The following PDE10A variants were observed in gnomAD, a reference collection of about 807,000 sequenced individuals.
PDE10A encodes cAMP and cAMP-inhibited cGMP 3',5'-cyclic phosphodiesterase 10A.
A neutral mutation model predicts 97.7 loss-of-function variants in PDE10A; 39 were observed. The ratio of observed to expected loss-of-function variants is 0.40; its 90% CI spans 0.31 to 0.52. The LOEUF (loss-of-function observed/expected upper bound fraction) is 0.52. Among genes scored for constraint, PDE10A ranks in the 20% least tolerant of loss-of-function variants. The probability of loss-of-function intolerance (pLI) is 0.56; values close to 1 mark genes in which losing one functional copy is unlikely to be tolerated. For synonymous variants in PDE10A, 371 were observed against 376.8 expected (o/e 0.98, Z 0.18); for missense variants, 731 against 1,047.8 (o/e 0.70, Z 4.17).
chr6:165,732,050 C>G (rs1314209613), intron 1 of PDE10A, among the ~76,000 whole-genome samples: 2 of 152,168 alleles, frequency 1.3e-5, no homozygotes, highest in African/African-American at 4.8e-5. Context: ...GGATAAGCGC[C>G]CCTTCACTCA....
chr6:165,948,130 CTGTG>C (rs140837964), intron 1 of PDE10A: 1 of 150,586 alleles, frequency 6.6e-6, no homozygotes, highest in African/African-American at 2.5e-5. Flanking sequence ...GAGAGAGTGT[CTGTG>C]TGTGTGTGTC....
intron 1 of PDE10A, among the ~76,000 whole-genome samples, chr6:165,598,872 T>C (rs1786765488): frequency 6.6e-6 from 1 of 152,200 alleles, no homozygotes; most frequent in Admixed American, 6.5e-5. Context: ...TGGACCTGCC[T>C]TCTGCAAGAT....
intron 1 of PDE10A, among the ~76,000 whole-genome samples, chr6:165,708,750 C>CCACAT (rs1791790419): frequency 8.2e-6 from 1 of 121,684 alleles, no homozygotes; most frequent in Non-Finnish European, 1.8e-5. Flanking sequence ...CACTCTCCAC[C>CCACAT]GCCATGCTGC....
chr6:165,830,935 G>A (rs1218614340), intron 1 of PDE10A, among the ~76,000 whole-genome samples: 1 of 152,138 alleles, frequency 6.6e-6, no homozygotes, highest in Non-Finnish European at 1.5e-5. Flanking sequence ...ACTTTGAGGA[G>A]TCATAGGAAA....
chr6:165,525,964 A>G (rs999546191), intron 2 of PDE10A, among the ~76,000 whole-genome samples: 1 of 152,180 alleles, frequency 6.6e-6, no homozygotes, highest in Non-Finnish European at 1.5e-5. Flanking sequence ...ATAAAAACAG[A>G]CAATTATGGC....
At chr6:165,749,332 C>CCACCATCACCACCAT (rs1562717389) in intron 1 of PDE10A, among the ~76,000 whole-genome samples, 2 of 20,264 alleles carry the variant, frequency 9.9e-5, no homozygotes, top group Admixed American at 4.2e-4. Context: ...ATCACCAATA[C>CCACCATCACCACCAT]CACCATCACC....
intron 1 of PDE10A, among the ~76,000 whole-genome samples, chr6:165,707,266 G>A (rs1791733843): frequency 6.6e-6 from 1 of 152,206 alleles, no homozygotes; most frequent in African/African-American, 2.4e-5. Context: ...CAGGGGATGG[G>A]TGGCGGGCAG....
chr6:165,930,866 A>G (rs1163803351), intron 1 of PDE10A, among the ~76,000 whole-genome samples: 3 of 152,230 alleles, frequency 2.0e-5, no homozygotes, highest in Non-Finnish European at 4.4e-5. Context: ...GGCTCTTCGC[A>G]GGATCAGGAA....
At chr6:165,646,493 C>T (rs1370619437) in intron 1 of PDE10A, among the ~76,000 whole-genome samples, 1 of 152,230 alleles carries the variant, frequency 6.6e-6, no homozygotes, top group Non-Finnish European at 1.5e-5. Flanking sequence ...TGAGAAATTA[C>T]ACAGAGCTGA....
intron 18 of PDE10A, among the ~76,000 whole-genome samples, chr6:165,358,736 T>C (rs1260630015): frequency 1.3e-5 from 2 of 151,970 alleles, no homozygotes; most frequent in East Asian, 3.9e-4. Context: ...TTCTATTTGT[T>C]GAATCTGTTT....
intron 1 of PDE10A, among the ~76,000 whole-genome samples, chr6:165,915,715 G>C (rs947605105): frequency 6.6e-6 from 1 of 152,316 alleles, no homozygotes; most frequent in East Asian, 1.9e-4. Context: ...CCTTGGTCCA[G>C]GGTCCTCTGC....
At chr6:165,837,676 T>C (rs1447248837) in intron 1 of PDE10A, among the ~76,000 whole-genome samples, 1 of 147,392 alleles carries the variant, frequency 6.8e-6, no homozygotes, top group Admixed American at 6.7e-5. Flanking sequence ...TTTTTTTTTT[T>C]TTTTTTTTTG....
intron 2 of PDE10A, among the ~76,000 whole-genome samples, chr6:165,507,920 A>G (rs1423973528): frequency 6.6e-6 from 1 of 152,112 alleles, no homozygotes; most frequent in Non-Finnish European, 1.5e-5. Flanking sequence ...ACCACCTCAA[A>G]AAACAAAAGT....
At chr6:165,740,296 C>T (rs953059675) in intron 1 of PDE10A, among the ~76,000 whole-genome samples, 9 of 144,924 alleles carry the variant, frequency 6.2e-5, no homozygotes, top group Non-Finnish European at 4.5e-5. Flanking sequence ...CAATGGAATA[C>T]ATATATATAT....
In PDE10A at chr6:165,943,311, G is replaced by GAAAA. The variant is rs1783636989; in HGVS notation, c.-615+44217_-615+44218insTTTT. 7.2e-4 allele frequency among the ~76,000 whole-genome samples: 49 copies of GAAAA among 68,278 alleles called. 4 individuals carry two copies. Among genetic ancestry groups the GAAAA allele is most frequent in the African/African-American group, 3.5e-3 (45 of 12,964 alleles). 44.8% of individuals were successfully genotyped at this position (68,278 alleles called of 152,430 possible). On this transcript the variant is annotated intron_variant, in intron 1 of 19. Transcript: ENST00000366882. ...AGAAAGAAGGAAAGAAAGAAAGAAG[G>GAAAA]AAGGAAGGAAAGAAAGAAAAAGAAA...
chr6:165,582,106 G>T (rs533476645), intron 1 of PDE10A, among the ~76,000 whole-genome samples: 2 of 152,204 alleles, frequency 1.3e-5, no homozygotes, highest in African/African-American at 4.8e-5. Flanking sequence ...AAGATAAATA[G>T]CATTAGTTAT....
intron 1 of PDE10A, among the ~76,000 whole-genome samples, chr6:165,841,507 T>C (rs1164872101): frequency 6.6e-6 from 1 of 152,256 alleles, no homozygotes; most frequent in Non-Finnish European, 1.5e-5. Flanking sequence ...CAGTGGGCGC[T>C]TAACGTTAGC....
In PDE10A at chr6:165,662,547, C is replaced by A. The variant is rs1790337623; in HGVS notation, c.265G>T (p.Gly89Cys). ...CGGGCCGCGACCCAGCCGCAGCCGC[C>A]GCCGCGCGCAGAGAGGGCGCCGGGG... ...GGPGALSARG[G>C]GCGWVAARAP... The change falls in exon 1 of 22, where the codon GGC becomes TGC. Residue 89 changes from glycine to cysteine, a missense_variant. Around this residue, in one of 8 missense-constraint regions of PDE10A, gnomAD observed 181 missense variants for 159.1 expected, o/e 1.14. Transcript: ENST00000539869. 6.7e-6 allele frequency: 1 copy of A among 148,208 alleles called. No individual in the cohort carries two copies. The highest frequency in any genetic ancestry group is 1.5e-5 in the Non-Finnish European group (1 of 66,894). The allele number at this position is 148,208 out of a possible 1,614,324, so 9.2% of individuals were successfully genotyped here.
chr6:165,536,560 T>G (rs1012925653), intron 2 of PDE10A, among the ~76,000 whole-genome samples: 3 of 150,830 alleles, frequency 2.0e-5, no homozygotes, highest in Non-Finnish European at 4.4e-5. Context: ...GACAAAAAAT[T>G]AATAACCTGA....
Sources: gnomAD v4.1 joint callset for allele counts (sites outside exome capture counted in the v4.1 genomes callset) on GRCh38, gnomAD v4.1.1 for gene constraint, gnomAD v4.1.1 regional missense constraint, MANE v1.5 for transcripts, NCBI Gene and HGNC (gene_info 2026-07-23, HGNC 2026-07-21) for gene names.